The following SKAP2 variants were observed in gnomAD, a reference collection of about 807,000 sequenced individuals.
SKAP2 encodes the protein src kinase-associated phosphoprotein 2.
Under a neutral mutation model 54.9 loss-of-function variants are expected in SKAP2, and 28 were observed. That is an observed-to-expected ratio of 0.51 (90% confidence interval 0.38 to 0.70). The LOEUF (loss-of-function observed/expected upper bound fraction) is 0.70. Ranked by LOEUF, SKAP2 falls within the 30% of genes least tolerant of loss-of-function variation. The probability of loss-of-function intolerance (pLI) is 0.00; values close to 1 mark genes in which losing one functional copy is unlikely to be tolerated. For synonymous variants in SKAP2, 137 were observed against 134.3 expected, an observed-to-expected ratio of 1.02 and a Z score of -0.14; for missense variants, 356 against 424.1, an observed-to-expected ratio of 0.84 and a Z score of 1.41.
At chr7:26,682,618 T>C (rs947177890) in intron 11 of SKAP2, among the ~76,000 whole-genome samples, 1 of 152,126 alleles carries the variant, frequency 6.6e-6, no homozygotes. Flanking sequence ...AGGCCCTTAA[T>C]AAATATGATC....
intron 9 of SKAP2, among the ~76,000 whole-genome samples, chr7:26,717,322 C>T (rs1787468258): frequency 2.0e-5 from 3 of 151,572 alleles, no homozygotes; most frequent in East Asian, 3.9e-4. Flanking sequence ...ACCATCTTGA[C>T]GACATGGCAA....
intron 1 of SKAP2, among the ~76,000 whole-genome samples, chr7:26,862,542 A>G (rs1247587714): frequency 6.6e-6 from 1 of 152,092 alleles, no homozygotes; most frequent in African/African-American, 2.4e-5. Context: ...ATGACTTAAA[A>G]TAATTTCAGA....
At chr7:26,836,906 T>C (rs1784725574) in intron 4 of SKAP2, among the ~76,000 whole-genome samples, 1 of 152,180 alleles carries the variant, frequency 6.6e-6, no homozygotes, top group Non-Finnish European at 1.5e-5. Flanking sequence ...ATCACAGCAC[T>C]GTTCACAATA....
At chr7:26,728,696 T>A (rs1787760835) in intron 6 of SKAP2, among the ~76,000 whole-genome samples, 1 of 152,070 alleles carries the variant, frequency 6.6e-6, no homozygotes, top group South Asian at 2.1e-4. Context: ...ACCTTCCCAA[T>A]GATCTACTAA....
At chr7:26,739,462 G>A (rs1476518255) in intron 5 of SKAP2, among the ~76,000 whole-genome samples, 1 of 152,192 alleles carries the variant, frequency 6.6e-6, no homozygotes, top group Non-Finnish European at 1.5e-5. Context: ...CCAATGGAGA[G>A]GAACACTGAA....
intron 4 of SKAP2, chr7:26,746,635 T>TTTA (rs1554297859): frequency 6.6e-6 from 1 of 150,620 alleles, no homozygotes; most frequent in Non-Finnish European, 1.5e-5. Flanking sequence ...TTTTTTTTTT[T>TTTA]ACCTTAAACA....
rs181808358 is a variant in SKAP2 at position 26,769,755 on chromosome 7, C to G, written c.308-29791G>C. Among the ~76,000 whole-genome samples, 108 of 152,250 alleles carry G rather than the reference C, an allele frequency of 7.1e-4. 1 individual carries two copies. In the East Asian group the frequency reaches 0.021, roughly 29 times the overall value. On this transcript the variant is annotated intron_variant, in intron 4 of 12. Coordinates refer to ENST00000345317, the MANE Select transcript of SKAP2 (RefSeq NM_003930.5). ...AGTTTGCTGGGGGTCTACTCCAGAC[C>G]CTGTTTGCCTGGGTATCACCAACGG...
At chr7:26,714,655 T>C (rs1468635747) in intron 9 of SKAP2, among the ~76,000 whole-genome samples, 1 of 152,220 alleles carries the variant, frequency 6.6e-6, no homozygotes, top group Admixed American at 6.5e-5. Context: ...TCTTAGGAAG[T>C]TGATATTCCC....
chr7:26,786,428 T>C (rs767052941), intron 4 of SKAP2, among the ~76,000 whole-genome samples: 1 of 152,176 alleles, frequency 6.6e-6, no homozygotes, highest in Non-Finnish European at 1.5e-5. Flanking sequence ...GGATGGAGAA[T>C]GATGACAGAG....
At chr7:26,842,691 G>T (rs1424371923) in intron 4 of SKAP2, among the ~76,000 whole-genome samples, 5 of 151,830 alleles carry the variant, frequency 3.3e-5, no homozygotes, top group African/African-American at 1.2e-4. Context: ...TAAAGCAATT[G>T]TAATGTGTCT....
Position 26,756,391 on chromosome 7 carries a change from T to C in SKAP2, c.308-16427A>G, listed in dbSNP as rs184209653. Among the ~76,000 whole-genome samples, 235 of 152,270 alleles carry C rather than the reference T, an allele frequency of 1.5e-3. 2 individuals are homozygous for C. The highest frequency in any genetic ancestry group is 5.6e-3 in the African/African-American group (232 of 41,564). On this transcript the variant is annotated intron_variant, in intron 4 of 12. Transcript: ENST00000345317. ...CCCTTCCTGTGTCCAAGTGTTCTCA[T>C]TGTTCAATTCTCACCTATGAGTGAG...
intron 9 of SKAP2, among the ~76,000 whole-genome samples, chr7:26,691,802 C>T (rs1000162866): frequency 6.6e-6 from 1 of 152,136 alleles, no homozygotes; most frequent in Non-Finnish European, 1.5e-5. Flanking sequence ...TAGGTATGAT[C>T]TTTAAAAGAA....
At chr7:26,832,625 G>A (rs1327442439) in intron 4 of SKAP2, among the ~76,000 whole-genome samples, 1 of 152,080 alleles carries the variant, frequency 6.6e-6, no homozygotes, top group Non-Finnish European at 1.5e-5. Context: ...GCCAGCCTGA[G>A]CAACACAGCA....
intron 9 of SKAP2, among the ~76,000 whole-genome samples, chr7:26,696,324 A>G (rs182661438): frequency 6.6e-6 from 1 of 152,326 alleles, no homozygotes; most frequent in African/African-American, 2.4e-5. Context: ...GCATAGTTAG[A>G]GTCATGTTTA....
At chr7:26,767,546 T>C (rs1783087629) in intron 4 of SKAP2, among the ~76,000 whole-genome samples, 1 of 152,226 alleles carries the variant, frequency 6.6e-6, no homozygotes, top group South Asian at 2.1e-4. Context: ...CTTTTAAATG[T>C]GATGTTAGGT....
At chr7:26,813,141 T>C (rs7785832) in intron 4 of SKAP2, among the ~76,000 whole-genome samples, 32,186 of 152,072 alleles carry the variant, frequency 0.21, 3,493 homozygotes, top group Non-Finnish European at 0.24. Context: ...AGTTAAATTT[T>C]CTCTAGCATT....
At chr7:26,819,418 G>A (rs1206932846) in intron 4 of SKAP2, among the ~76,000 whole-genome samples, 8 of 152,162 alleles carry the variant, frequency 5.3e-5, no homozygotes, top group Non-Finnish European at 8.8e-5. Context: ...CACCTGTCGG[G>A]GGGTGGGGGC....
intron 11 of SKAP2, among the ~76,000 whole-genome samples, chr7:26,675,731 G>A (rs949479066): frequency 3.9e-5 from 6 of 152,170 alleles, no homozygotes; most frequent in Admixed American, 6.6e-5. Flanking sequence ...TAGTAGTGAC[G>A]AAACAAGCAT....
intron 3 of SKAP2, chr7:26,848,118 C>T (rs1054705882): frequency 6.6e-6 from 1 of 152,166 alleles, no homozygotes; most frequent in African/African-American, 2.4e-5. Flanking sequence ...TTACTATTAG[C>T]CATTCTTTCT....
Sources: allele counts gnomAD v4.1 joint callset (sites outside exome capture counted in the v4.1 genomes callset), GRCh38; gene constraint gnomAD v4.1.1; transcripts MANE v1.5; gene names NCBI Gene and HGNC (gene_info 2026-07-23, HGNC 2026-07-21).